Variants in RAB12 observed in about 807,000 individuals in gnomAD.
RAB12 encodes ras-related protein Rab-12.
A neutral mutation model predicts 28.4 loss-of-function variants in RAB12; 11 were observed. The ratio of observed to expected loss-of-function variants is 0.39; its 90% CI spans 0.24 to 0.64. The LOEUF (loss-of-function observed/expected upper bound fraction) is 0.64. Among genes scored for constraint, RAB12 ranks in the 30% least tolerant of loss-of-function variants. RAB12 has a pLI of 0.50. For missense variants in RAB12, 276 were observed against 351.1 expected (o/e 0.79, Z 1.71); for synonymous variants, 138 against 145.3 (o/e 0.95, Z 0.36).
At chr18:8,637,175 C>G (rs1250482550) in intron 5 of RAB12, among the ~76,000 whole-genome samples, 1 of 151,544 alleles carries the variant, frequency 6.6e-6, no homozygotes, top group African/African-American at 2.4e-5. Context: ...CAGGCTGATG[C>G]AGGAGGATTG....
At chr18:8,619,225 A>C (rs893222445) in intron 1 of RAB12, among the ~76,000 whole-genome samples, 5 of 152,200 alleles carry the variant, frequency 3.3e-5, no homozygotes, top group Admixed American at 3.3e-4. Context: ...AACGAGGAGA[A>C]GTGACCTGGG....
chr18:8,636,020 T>A (rs2096018695), intron 4 of RAB12, among the ~76,000 whole-genome samples: 1 of 152,260 alleles, frequency 6.6e-6, no homozygotes, highest in Non-Finnish European at 1.5e-5. Context: ...CTTAGGCAAC[T>A]GATTTGACTG....
At chr18:8,630,398 G>A (rs1273905700) in intron 2 of RAB12, among the ~76,000 whole-genome samples, 1 of 152,184 alleles carries the variant, frequency 6.6e-6, no homozygotes, top group East Asian at 1.9e-4. Context: ...AGGGGTTGTG[G>A]AGACCTAGGT....
In RAB12 at chr18:8,639,066, T is replaced by TA. The variant is rs1432698932; in HGVS notation, c.*807dup. On this transcript the variant is annotated 3_prime_UTR_variant, in exon 6 of 6. Coordinates refer to ENST00000649141, the MANE Select transcript of RAB12 (RefSeq NM_001025300.3). ...ATCAAAGAACATACGTGTATTTGCC[T>TA]AAACACTCTGTACCTTTGTAATGAT... The TA allele has an allele frequency of 6.7e-6, 1 of 150,274 alleles. No individual in the cohort carries two copies. Among genetic ancestry groups the TA allele is most frequent in the Non-Finnish European group, 1.5e-5 (1 of 67,622 alleles). The allele number at this position is 150,274 out of a possible 1,614,324, so 9.3% of individuals were successfully genotyped here. A position where few individuals can be genotyped will look rare whatever the true frequency, so the allele number is the denominator to read the frequency against.
At chr18:8,610,475 T>C (rs2096003167) in intron 1 of RAB12, among the ~76,000 whole-genome samples, 1 of 152,260 alleles carries the variant, frequency 6.6e-6, no homozygotes, top group South Asian at 2.1e-4. Flanking sequence ...TTTCTCGTGC[T>C]AGCCGTACGT....
intron 1 of RAB12, among the ~76,000 whole-genome samples, chr18:8,613,245 G>T (rs2096004848): frequency 6.6e-6 from 1 of 152,186 alleles, no homozygotes; most frequent in Admixed American, 6.5e-5. Flanking sequence ...AATTTAATTA[G>T]TCTGATTATA....
intron 1 of RAB12, among the ~76,000 whole-genome samples, chr18:8,620,132 TC>T (rs2096008965): frequency 1.7e-5 from 2 of 117,106 alleles, no homozygotes; most frequent in Non-Finnish European, 3.4e-5. Context: ...CTTTTTTTTT[TC>T]TTCTTCTTTT....
At chr18:8,622,814 G>A (rs1366477433) in intron 1 of RAB12, among the ~76,000 whole-genome samples, 1 of 152,000 alleles carries the variant, frequency 6.6e-6, no homozygotes, top group African/African-American at 2.4e-5. Flanking sequence ...CCACGCCCAG[G>A]GCCCCCCGCC....
intron 1 of RAB12, among the ~76,000 whole-genome samples, chr18:8,618,337 A>C (rs1378649314): frequency 2.0e-5 from 3 of 152,114 alleles, no homozygotes; most frequent in African/African-American, 4.8e-5. Context: ...GCATAGTAAC[A>C]TTAGGATTTT....
chr18:8,616,553 C>T (rs896771000), intron 1 of RAB12, among the ~76,000 whole-genome samples: 3 of 152,124 alleles, frequency 2.0e-5, no homozygotes, highest in Non-Finnish European at 2.9e-5. Context: ...AGCACTTGGG[C>T]GAAGGAATAG....
chr18:8,616,540 G>A (rs866458908), intron 1 of RAB12, among the ~76,000 whole-genome samples: 7 of 152,014 alleles, frequency 4.6e-5, no homozygotes, highest in East Asian at 1.9e-4. Context: ...CCAACTCCAC[G>A]TCAGCACTTG....
intron 2 of RAB12, among the ~76,000 whole-genome samples, chr18:8,630,420 G>C (rs2096015276): frequency 6.6e-6 from 1 of 152,182 alleles, no homozygotes; most frequent in South Asian, 2.1e-4. Context: ...TTATCATGTA[G>C]ATGAGCCTCT....
At position 8,638,443 on chromosome 18, in the gene RAB12, T is replaced by C; in HGVS notation, c.*181T>C. ...TAAGTTTTGGTTATAAGTTACCTAT[T>C]TCCCTCCAAATTATTATATTTCATT... On this transcript the variant is annotated 3_prime_UTR_variant, in exon 6 of 6. Coordinates refer to ENST00000649141, the MANE Select transcript of RAB12 (RefSeq NM_001025300.3). 1.8e-6 allele frequency: 1 copy of C among 568,666 alleles called. No homozygotes were observed. The highest frequency in any genetic ancestry group is 3.2e-6 in the Non-Finnish European group (1 of 317,456). The allele number at this position is 568,666 out of a possible 1,614,324, so 35.2% of individuals were successfully genotyped here.
intron 4 of RAB12, chr18:8,635,875 A>G (rs994461216): frequency 1.8e-5 from 8 of 452,536 alleles, no homozygotes; most frequent in African/African-American, 1.0e-4. Flanking sequence ...ACAGAGAAAC[A>G]TATTTTAAGC....
rs1396341984 is a variant in RAB12, at chr18:8,638,261, G to A, written c.1022G>A (p.Ter341=). 1 of 1,606,496 alleles carries A rather than the reference G, an allele frequency of 6.2e-7. No homozygotes were observed. The highest frequency in any genetic ancestry group is 8.5e-7 in the Non-Finnish European group (1 of 1,173,404). The part of the protein sequence containing the change: ...PPPRPHVRCC[*] The stretch of plus-strand genomic sequence containing the variant: ...CCAAGACCACATGTCCGATGCTGTT[G>A]ATTTCCTACTTTGGAGACAAAGTGG... The change falls in exon 6 of 6, where the codon TGA becomes TAA. Residue 341 remains the stop codon, a stop_retained_variant. Coordinates refer to ENST00000649141, the MANE Select transcript of RAB12 (RefSeq NM_001025300.3).
chr18:8,615,427 C>G (rs1477795929), intron 1 of RAB12, among the ~76,000 whole-genome samples: 3 of 152,196 alleles, frequency 2.0e-5, no homozygotes, highest in Non-Finnish European at 2.9e-5. Flanking sequence ...ACACAGTCTT[C>G]TAAGCCATGA....
At position 8,611,748 on chromosome 18, in the gene RAB12, G is replaced by A. The variant is rs1018147654; in HGVS notation, c.514+1795G>A. ...TGCTTGGGAATAAGGAAGAAACCAG[G>A]AGGCAAGGAGACCAAGCAGTTTGTT... On this transcript the variant is annotated intron_variant, in intron 1 of 5. Transcript: ENST00000649141. Among the ~76,000 whole-genome samples, 3 of 152,268 alleles carry A rather than the reference G, an allele frequency of 2.0e-5. No individual in the cohort carries two copies. The East Asian group carries it at 5.8e-4, about 29-fold the overall frequency.
chr18:8,622,924 A>G (rs933111672), intron 1 of RAB12, among the ~76,000 whole-genome samples: 1 of 152,192 alleles, frequency 6.6e-6, no homozygotes, highest in South Asian at 2.1e-4. Flanking sequence ...CTTTTGAAAG[A>G]GGAGAAATAT....
chr18:8,610,562 C>G (rs916543041), intron 1 of RAB12, among the ~76,000 whole-genome samples: 1 of 152,216 alleles, frequency 6.6e-6, no homozygotes, highest in Non-Finnish European at 1.5e-5. Flanking sequence ...GGGTTGATTC[C>G]TCCAGTACCG....
Sources: allele counts gnomAD v4.1 joint callset (sites outside exome capture counted in the v4.1 genomes callset), GRCh38; gene constraint gnomAD v4.1.1; transcripts MANE v1.5; gene names NCBI Gene and HGNC (gene_info 2026-07-23, HGNC 2026-07-21).